BORCS5: variants seen among roughly 807,000 people sequenced by gnomAD.
The protein encoded by BORCS5 is BLOC-1-related complex subunit 5.
A neutral mutation model predicts 22.1 loss-of-function variants in BORCS5; 17 were observed. The observed-to-expected ratio is 0.77, with a 90% CI of 0.53 to 1.15. The LOEUF (loss-of-function observed/expected upper bound fraction) is 1.15, where lower values mean the gene tolerates loss of function less well. BORCS5 is among the 50% of genes most tolerant of loss of function. The probability of loss-of-function intolerance (pLI) is 0.00; values close to 1 mark genes in which losing one functional copy is unlikely to be tolerated. For synonymous variants in BORCS5, 117 were observed against 99.8 expected, an observed-to-expected ratio of 1.17 and a Z score of -1.03; for missense variants, 247 against 253.2, an observed-to-expected ratio of 0.98 and a Z score of 0.17.
chr12:12,422,565 C>T (rs1942161085), intron 2 of BORCS5, among the ~76,000 whole-genome samples: 3 of 151,810 alleles, frequency 2.0e-5, no homozygotes. Flanking sequence ...CGTGGCACTG[C>T]ACTCCAGCCT....
chr12:12,394,473 G>A (rs1414713761), intron 2 of BORCS5, among the ~76,000 whole-genome samples: 1 of 151,874 alleles, frequency 6.6e-6, no homozygotes, highest in Non-Finnish European at 1.5e-5. Context: ...TTTCTTGGCT[G>A]TTCAGGGAGT....
chr12:12,417,340 C>A (rs990422777), intron 2 of BORCS5, among the ~76,000 whole-genome samples: 1 of 152,098 alleles, frequency 6.6e-6, no homozygotes, highest in Non-Finnish European at 1.5e-5. Flanking sequence ...TGTATAATAT[C>A]TATCTTTTGA....
intron 2 of BORCS5, among the ~76,000 whole-genome samples, chr12:12,367,592 C>T (rs1320198377): frequency 7.9e-5 from 12 of 152,170 alleles, no homozygotes. Context: ...CAAAAATAAA[C>T]ATAGCTGTTT....
intron 2 of BORCS5, among the ~76,000 whole-genome samples, chr12:12,418,687 A>G (rs1371091031): frequency 6.6e-6 from 1 of 152,164 alleles, no homozygotes; most frequent in Non-Finnish European, 1.5e-5. Context: ...ACTCTCTTTC[A>G]GTATAGCTCT....
intron 2 of BORCS5, among the ~76,000 whole-genome samples, chr12:12,385,604 G>C (rs552574393): frequency 3.4e-4 from 51 of 150,710 alleles, no homozygotes; most frequent in African/African-American, 1.1e-3. Flanking sequence ...CCAACTCCCA[G>C]GTTTAAGCGA....
intron 3 of BORCS5, among the ~76,000 whole-genome samples, chr12:12,450,903 G>A (rs1424074473): frequency 6.6e-6 from 1 of 152,134 alleles, no homozygotes; most frequent in African/African-American, 2.4e-5. Flanking sequence ...GATACTTAAT[G>A]GATAGCAGCT....
chr12:12,377,864 A>T (rs1863689636), intron 2 of BORCS5, among the ~76,000 whole-genome samples: 1 of 152,234 alleles, frequency 6.6e-6, no homozygotes, highest in Non-Finnish European at 1.5e-5. Context: ...AAATGCAGGC[A>T]GTAAAGATTT....
intron 3 of BORCS5, among the ~76,000 whole-genome samples, chr12:12,443,341 C>G (rs940532387): frequency 2.0e-5 from 3 of 152,188 alleles, no homozygotes; most frequent in Non-Finnish European, 4.4e-5. Context: ...ATTTTATGTT[C>G]CCATAGAATG....
chr12:12,465,770 G>A lies in BORCS5; in HGVS notation c.585G>A (p.Arg195=). 1 of 1,611,216 alleles carries A rather than the reference G, an allele frequency of 6.2e-7. No individual in the cohort carries two copies. The highest frequency in any genetic ancestry group is 8.5e-7 in the Non-Finnish European group (1 of 1,179,144). The part of the protein sequence containing the change: ...PFSMKPDREL[R]L ...GCATGAAGCCCGACCGCGAGCTCAG[G>A]CTGTAGCTGCTGCCCGGCCTGCCTG... The change falls in exon 4 of 4, where the codon AGG becomes AGA. Residue 195 remains arginine (R), a synonymous_variant. Coordinates refer to ENST00000314565, the MANE Select transcript of BORCS5 (RefSeq NM_058169.6).
chr12:12,375,667 A>G (rs1192865851), intron 2 of BORCS5, among the ~76,000 whole-genome samples: 3 of 152,114 alleles, frequency 2.0e-5, no homozygotes, highest in Non-Finnish European at 4.4e-5. Flanking sequence ...ACGTTTAAAT[A>G]TTTTTTCCAT....
At chr12:12,447,307 A>G (rs998373029) in intron 3 of BORCS5, among the ~76,000 whole-genome samples, 3 of 152,114 alleles carry the variant, frequency 2.0e-5, no homozygotes, top group African/African-American at 7.2e-5. Context: ...CTGCTCTCCC[A>G]TCAGCAACCG....
rs745748329 is a variant in BORCS5, at chr12:12,469,483, G to A, written c.*3707G>A. ...TGCGGCTTCTTCAGTTATGAAAGAG[G>A]TTGGTACTGTTACCCTTACGTTATA... On this transcript the variant is annotated 3_prime_UTR_variant, in exon 4 of 4. Coordinates refer to ENST00000314565, the MANE Select transcript of BORCS5 (RefSeq NM_058169.6). 3.9e-5 allele frequency: 6 copies of A among 152,254 alleles called. No individual in the cohort carries two copies. Among genetic ancestry groups the A allele is most frequent in the Non-Finnish European group, 8.8e-5 (6 of 68,058 alleles). The allele number at this position is 152,254 out of a possible 1,614,324, so 9.4% of individuals were successfully genotyped here. A position where few individuals can be genotyped will look rare whatever the true frequency, so the allele number is the denominator to read the frequency against.
intron 2 of BORCS5, among the ~76,000 whole-genome samples, chr12:12,409,032 T>A (rs113366167): frequency 0.012 from 1,792 of 152,260 alleles, 26 homozygotes; most frequent in South Asian, 0.028. Context: ...CGCCAGCGGC[T>A]ATGCTATACC....
intron 2 of BORCS5, among the ~76,000 whole-genome samples, chr12:12,362,631 C>G (rs992080782): frequency 3.6e-5 from 4 of 111,022 alleles, no homozygotes; most frequent in African/African-American, 1.2e-4. Context: ...TATCATGTTA[C>G]TCATCTTTTT....
chr12:12,455,273 T>G (rs1003414466), intron 3 of BORCS5, among the ~76,000 whole-genome samples: 9 of 152,212 alleles, frequency 5.9e-5, no homozygotes, highest in African/African-American at 2.2e-4. Flanking sequence ...TAGCTGACCT[T>G]GAACCATCCA....
At chr12:12,456,180 T>G (rs1942995516) in intron 3 of BORCS5, among the ~76,000 whole-genome samples, 1 of 152,230 alleles carries the variant, frequency 6.6e-6, no homozygotes, top group Non-Finnish European at 1.5e-5. Context: ...ATGCCTGTAA[T>G]CCCAACACTT....
intron 2 of BORCS5, among the ~76,000 whole-genome samples, chr12:12,387,516 A>G (rs1863908225): frequency 6.6e-6 from 1 of 151,194 alleles, no homozygotes; most frequent in Non-Finnish European, 1.5e-5. Flanking sequence ...ATTTTATGTC[A>G]CTCAGCCCTC....
chr12:12,417,801 C>T (rs994204738), intron 2 of BORCS5, among the ~76,000 whole-genome samples: 4 of 151,784 alleles, frequency 2.6e-5, no homozygotes, highest in Non-Finnish European at 4.4e-5. Context: ...ACCATCATAC[C>T]CAGTTAATTT....
Position 12,413,983 on chromosome 12 carries a change from G to C in BORCS5, c.203-21645G>C, listed in dbSNP as rs547494312. Among the ~76,000 whole-genome samples, 43 of 43,830 alleles carry C rather than the reference G, an allele frequency of 9.8e-4. 4 individuals are homozygous for C. Among genetic ancestry groups the C allele is most frequent in the Non-Finnish European group, 1.6e-3 (35 of 22,300 alleles). 28.8% of individuals were successfully genotyped at this position (43,830 alleles called of 152,430 possible). ...ACGGGGCGGCTGGCCGGGCAGAGGG[G>C]TCCTCACTTCCCAGTAGGGGCGGCC... On this transcript the variant is annotated intron_variant, in intron 2 of 3. Transcript: ENST00000314565.
Sources: allele counts gnomAD v4.1 joint callset (sites outside exome capture counted in the v4.1 genomes callset), GRCh38; gene constraint gnomAD v4.1.1; transcripts MANE v1.5; gene names NCBI Gene and HGNC (gene_info 2026-07-23, HGNC 2026-07-21).